Variants in ADAM9 observed in about 807,000 individuals in gnomAD.
ADAM9 encodes disintegrin and metalloproteinase domain-containing protein 9.
A neutral mutation model predicts 108.1 loss-of-function variants in ADAM9; 54 were observed. The ratio of observed to expected loss-of-function variants is 0.50; its 90% CI spans 0.40 to 0.63. The LOEUF (loss-of-function observed/expected upper bound fraction) is 0.63, where lower values mean the gene tolerates loss of function less well. Ranked by LOEUF, ADAM9 falls within the 20% of genes least tolerant of loss-of-function variation. The pLI, the probability that ADAM9 is intolerant of heterozygous loss-of-function variation, is 0.00. For missense variants in ADAM9, 830 were observed against 997.7 expected (o/e 0.83, Z 2.26); for synonymous variants, 316 against 336.0 (o/e 0.94, Z 0.65).
intron 14 of ADAM9, among the ~76,000 whole-genome samples, chr8:39,067,896 C>T (rs976452619): frequency 2.0e-5 from 3 of 151,946 alleles, no homozygotes; most frequent in Non-Finnish European, 4.4e-5. Context: ...ATAAATGGCT[C>T]TTATTATTTT....
At chr8:39,089,571 T>C (rs893938121) in intron 18 of ADAM9, among the ~76,000 whole-genome samples, 2 of 152,246 alleles carry the variant, frequency 1.3e-5, no homozygotes, top group Admixed American at 6.5e-5. Context: ...TTATTCATTA[T>C]AGCAGTTTTT....
intron 5 of ADAM9, 41 bp downstream of exon 5, chr8:39,016,235 A>G (rs754394889): frequency 1.2e-5 from 18 of 1,515,470 alleles, no homozygotes; most frequent in South Asian, 2.2e-5. Flanking sequence ...TGTTTCCCCT[A>G]TGTCTTACCC....
Position 38,996,973 on chromosome 8 carries a change from A to C in ADAM9, c.-91A>C. The stretch of plus-strand genomic sequence containing the variant: ...CGTCGGGCGCGCGCGCTTCCCGGCC[A>C]GACTTGGGGCCCCGGCAGGGTTGGA... On this transcript the variant is annotated 5_prime_UTR_variant, in exon 1 of 22. Coordinates refer to ENST00000487273, the MANE Select transcript of ADAM9 (RefSeq NM_003816.3). 2.7e-6 allele frequency: 4 copies of C among 1,507,978 alleles called. No homozygotes were observed. Among genetic ancestry groups the C allele is most frequent in the Non-Finnish European group, 3.6e-6 (4 of 1,121,158 alleles). The allele number at this position is 1,507,978 out of a possible 1,614,324, so 93.4% of individuals were successfully genotyped here. A position where few individuals can be genotyped will look rare whatever the true frequency, so the allele number is the denominator to read the frequency against.
At chr8:39,075,562 A>C (rs773126525) in intron 15 of ADAM9, among the ~76,000 whole-genome samples, 1 of 152,126 alleles carries the variant, frequency 6.6e-6, no homozygotes, top group Admixed American at 6.5e-5. Context: ...GGCTGTTTAC[A>C]TTTCTTATTT....
chr8:39,045,433 T>C (rs1269199110), intron 12 of ADAM9, among the ~76,000 whole-genome samples: 6 of 129,208 alleles, frequency 4.6e-5, no homozygotes, highest in African/African-American at 9.2e-5. Flanking sequence ...CACACCTATA[T>C]GTGCGCGTGT....
chr8:39,046,373 T>G (rs1266629814), intron 12 of ADAM9, among the ~76,000 whole-genome samples: 1 of 152,190 alleles, frequency 6.6e-6, no homozygotes, highest in Non-Finnish European at 1.5e-5. Context: ...TGATGGACTC[T>G]TTGGGATTTT....
chr8:39,058,265 ATTC>A (rs1838190345), intron 14 of ADAM9, among the ~76,000 whole-genome samples: 1 of 152,192 alleles, frequency 6.6e-6, no homozygotes, highest in Admixed American at 6.5e-5. Flanking sequence ...ACATGCAGCT[ATTC>A]TTAATGAAAC....
intron 12 of ADAM9, among the ~76,000 whole-genome samples, chr8:39,053,871 A>G (rs952372286): frequency 6.6e-5 from 10 of 152,200 alleles, no homozygotes; most frequent in African/African-American, 2.4e-4. Flanking sequence ...ACATACTGTT[A>G]TGAACTGAAT....
intron 7 of ADAM9, among the ~76,000 whole-genome samples, chr8:39,020,019 C>T (rs1836681896): frequency 6.6e-6 from 1 of 152,236 alleles, no homozygotes; most frequent in Non-Finnish European, 1.5e-5. Flanking sequence ...GGCGCAGTGG[C>T]TCACGCCTGT....
chr8:38,997,545 C>A (rs1835859794), intron 1 of ADAM9, among the ~76,000 whole-genome samples: 1 of 152,184 alleles, frequency 6.6e-6, no homozygotes, highest in African/African-American at 2.4e-5. Context: ...GGCGTTCAGT[C>A]CTCCAAACGC....
intron 11 of ADAM9, among the ~76,000 whole-genome samples, chr8:39,027,165 G>C (rs1014140161): frequency 3.9e-5 from 6 of 152,188 alleles, no homozygotes; most frequent in South Asian, 2.1e-4. Context: ...TTTATTATCT[G>C]AATTAGAAAT....
At chr8:39,085,257 A>G (rs1839150181) in intron 18 of ADAM9, among the ~76,000 whole-genome samples, 1 of 152,150 alleles carries the variant, frequency 6.6e-6, no homozygotes, top group African/African-American at 2.4e-5. Flanking sequence ...ACACTTCAGT[A>G]TATTTCCATT....
intron 14 of ADAM9, among the ~76,000 whole-genome samples, chr8:39,057,061 C>G (rs116813651): frequency 6.6e-6 from 1 of 152,038 alleles, no homozygotes; most frequent in African/African-American, 2.4e-5. Flanking sequence ...TGTTTAGATA[C>G]GTTTAGATGC....
Position 39,103,623 on chromosome 8 carries a change from C to T in ADAM9, c.2383C>T (p.Pro795Ser). Residue 795 changes from proline to serine, a missense_variant, in exon 22 of 22, where the codon CCG (proline) becomes TCG (serine). Physicochemically the swap from Pro to Ser is moderately conservative, Grantham distance 74. Coordinates refer to ENST00000487273, the MANE Select transcript of ADAM9 (RefSeq NM_003816.3). Reference sequence around the variant, plus strand: ...CCCTCGCAGGCCACCTCCACCACAACCGAAAGTATCATCTCAGGGAAACTT... The same window carrying T: ...CCCTCGCAGGCCACCTCCACCACAATCGAAAGTATCATCTCAGGGAAACTT... ...QFPSRPPPPQ[P>S]KVSSQGNLIP... The T allele has an allele frequency of 6.2e-7, 1 of 1,614,010 alleles. No individual in the cohort carries two copies. Among genetic ancestry groups the T allele is most frequent in the Non-Finnish European group, 8.5e-7 (1 of 1,179,924 alleles).
intron 18 of ADAM9, among the ~76,000 whole-genome samples, chr8:39,084,554 A>G (rs1011447011): frequency 2.0e-5 from 3 of 151,932 alleles, no homozygotes; most frequent in African/African-American, 4.8e-5. Context: ...TTACTGTAGC[A>G]AGAGAACATA....
Position 39,041,961 on chromosome 8 carries a change from T to A in ADAM9, c.1146T>A (p.Phe382Leu). 1 of 1,614,018 alleles carries A rather than the reference T, an allele frequency of 6.2e-7. No homozygotes were observed. The highest frequency in any genetic ancestry group is 8.5e-7 in the Non-Finnish European group (1 of 1,179,890). ...MNSGASGSRN[F>L]SSCSAEDFEK... ...TTTATTATAGGGGTTCCAGAAACTT[T>A]AGCAGTTGCAGTGCAGAGGACTTTG... The change falls in exon 12 of 22, where the codon TTT becomes TTA. Residue 382 changes from phenylalanine (F) to leucine (L), a missense_variant. By Grantham distance (22) the Phe-to-Leu change is conservative. Coordinates refer to ENST00000487273, the MANE Select transcript of ADAM9 (RefSeq NM_003816.3).
At chr8:39,046,447 C>G (rs1446280096) in intron 12 of ADAM9, among the ~76,000 whole-genome samples, 1 of 152,054 alleles carries the variant, frequency 6.6e-6, no homozygotes, top group Non-Finnish European at 1.5e-5. Context: ...ATTTAGATGC[C>G]TTTTAGTTTT....
chr8:39,060,027 A>G (rs1165893931), intron 14 of ADAM9, among the ~76,000 whole-genome samples: 1 of 152,184 alleles, frequency 6.6e-6, no homozygotes, highest in African/African-American at 2.4e-5. Flanking sequence ...GCTGCTGCAT[A>G]TGCCCAGCTT....
chr8:39,016,707 ATTAG>A (rs1457663742), intron 5 of ADAM9, among the ~76,000 whole-genome samples: 1 of 152,236 alleles, frequency 6.6e-6, no homozygotes, highest in African/African-American at 2.4e-5. Context: ...ACTAAAACAT[ATTAG>A]TTCTATATAA....
Sources: allele counts gnomAD v4.1 joint callset (sites outside exome capture counted in the v4.1 genomes callset), GRCh38; gene constraint gnomAD v4.1.1; transcripts MANE v1.5; gene names NCBI Gene and HGNC (gene_info 2026-07-23, HGNC 2026-07-21).